The following SGMS1 variants were observed in gnomAD, a reference collection of about 807,000 sequenced individuals.
SGMS1 encodes the protein phosphatidylcholine:ceramide cholinephosphotransferase 1.
In SGMS1, 13 loss-of-function variants were observed where a neutral mutation model predicts 46.2. The ratio of observed to expected loss-of-function variants is 0.28; its 90% CI spans 0.18 to 0.45. The LOEUF (loss-of-function observed/expected upper bound fraction) is 0.45, where lower values mean the gene tolerates loss of function less well. Ranked by LOEUF, SGMS1 falls within the 20% of genes least tolerant of loss-of-function variation. The probability of loss-of-function intolerance (pLI) is 1.00; values close to 1 mark genes in which losing one functional copy is unlikely to be tolerated. For missense variants in SGMS1, 324 were observed against 519.9 expected, an observed-to-expected ratio of 0.62 and a Z score of 3.66; for synonymous variants, 203 against 187.8, an observed-to-expected ratio of 1.08 and a Z score of -0.66.
At chr10:50,440,841 C>A (rs962140614) in intron 5 of SGMS1, among the ~76,000 whole-genome samples, 1 of 152,162 alleles carries the variant, frequency 6.6e-6, no homozygotes, top group Non-Finnish European at 1.5e-5. Flanking sequence ...AAACTCCTGG[C>A]TTCAAGCAAT....
chr10:50,338,080 A>G (rs1254919163), intron 7 of SGMS1, among the ~76,000 whole-genome samples: 1 of 152,136 alleles, frequency 6.6e-6, no homozygotes, highest in Non-Finnish European at 1.5e-5. Context: ...CCCAAGCAGG[A>G]TCTGTGGTCA....
intron 2 of SGMS1, among the ~76,000 whole-genome samples, chr10:50,569,844 T>C (rs1262466354): frequency 6.6e-6 from 1 of 152,150 alleles, no homozygotes; most frequent in African/African-American, 2.4e-5. Context: ...AAAGTCTTCA[T>C]GTCCCCTCCA....
At chr10:50,483,082 G>C (rs758336572) in intron 3 of SGMS1, among the ~76,000 whole-genome samples, 5 of 152,232 alleles carry the variant, frequency 3.3e-5, no homozygotes, top group South Asian at 2.1e-4. Context: ...GGGGTTTTTT[G>C]TTTTTTGTGT....
At chr10:50,507,680 C>T (rs140589745) in intron 3 of SGMS1, among the ~76,000 whole-genome samples, 1 of 152,066 alleles carries the variant, frequency 6.6e-6, no homozygotes, top group East Asian at 1.9e-4. Context: ...TCTTTTTTTC[C>T]TCAAATTAGC....
chr10:50,345,264 T>C (rs1490825036), intron 6 of SGMS1, among the ~76,000 whole-genome samples: 1 of 152,088 alleles, frequency 6.6e-6, no homozygotes, highest in Non-Finnish European at 1.5e-5. Context: ...TCTTTCTTAA[T>C]CTCAGCCCCT....
At chr10:50,481,121 G>A (rs909785003) in intron 3 of SGMS1, among the ~76,000 whole-genome samples, 1 of 152,236 alleles carries the variant, frequency 6.6e-6, no homozygotes, top group Non-Finnish European at 1.5e-5. Context: ...TCTGGATGGA[G>A]TCCGAGCAGT....
chr10:50,415,665 T>G (rs1377094508), intron 6 of SGMS1, among the ~76,000 whole-genome samples: 1 of 152,168 alleles, frequency 6.6e-6, no homozygotes, highest in Non-Finnish European at 1.5e-5. Flanking sequence ...TTCTCTTGTA[T>G]GATGATATGC....
intron 3 of SGMS1, among the ~76,000 whole-genome samples, chr10:50,510,895 A>G (rs1837747950): frequency 1.3e-5 from 2 of 152,140 alleles, no homozygotes; most frequent in Non-Finnish European, 1.5e-5. Flanking sequence ...TTATATAACA[A>G]TTTCCACAAT....
intron 6 of SGMS1, among the ~76,000 whole-genome samples, chr10:50,363,024 A>G (rs921726995): frequency 6.6e-6 from 1 of 152,180 alleles, no homozygotes; most frequent in Non-Finnish European, 1.5e-5. Flanking sequence ...TCTAGCACCC[A>G]CATCTTTTTT....
chr10:50,583,441 T>G (rs1233281186), intron 2 of SGMS1, among the ~76,000 whole-genome samples: 2 of 152,216 alleles, frequency 1.3e-5, no homozygotes, highest in Non-Finnish European at 2.9e-5. Flanking sequence ...GAAGATGTGC[T>G]GACCTCAGGC....
chr10:50,611,179 T>C (rs549654222), intron 1 of SGMS1, among the ~76,000 whole-genome samples: 6 of 152,248 alleles, frequency 3.9e-5, no homozygotes, highest in South Asian at 2.1e-4. Flanking sequence ...GTCAAATGAA[T>C]GGTCAACACG....
At chr10:50,593,571 C>G (rs974972596) in intron 1 of SGMS1, among the ~76,000 whole-genome samples, 1 of 151,790 alleles carries the variant, frequency 6.6e-6, no homozygotes, top group African/African-American at 2.4e-5. Context: ...CCTTCACCAC[C>G]ACTTCCACCA....
chr10:50,553,361 G>A (rs1187657648), intron 2 of SGMS1, among the ~76,000 whole-genome samples: 1 of 152,106 alleles, frequency 6.6e-6, no homozygotes, highest in East Asian at 1.9e-4. Flanking sequence ...TCTGTAAGAT[G>A]GGATGATATT....
At chr10:50,452,230 C>T (rs1383614105) in intron 5 of SGMS1, among the ~76,000 whole-genome samples, 3 of 151,970 alleles carry the variant, frequency 2.0e-5, no homozygotes, top group Non-Finnish European at 4.4e-5. Context: ...ATAATATCTC[C>T]AAGACATCAA....
intron 5 of SGMS1, among the ~76,000 whole-genome samples, chr10:50,442,103 T>C (rs1564914792): frequency 6.6e-6 from 1 of 152,060 alleles, no homozygotes; most frequent in Non-Finnish European, 1.5e-5. Flanking sequence ...GCAGAACGCA[T>C]GGGTTTGGTT....
intron 1 of SGMS1, among the ~76,000 whole-genome samples, chr10:50,609,699 CTA>C (rs976032161): frequency 1.3e-5 from 2 of 152,036 alleles, no homozygotes; most frequent in Non-Finnish European, 2.9e-5. Context: ...CAACTTTTCA[CTA>C]TGATAAAGAG....
intron 6 of SGMS1, among the ~76,000 whole-genome samples, chr10:50,404,385 C>A (rs529629361): frequency 1.3e-5 from 2 of 151,426 alleles, no homozygotes; most frequent in Non-Finnish European, 1.5e-5. Context: ...TGTGGGAGAA[C>A]TGCCTGAGGC....
At chr10:50,554,630 T>C (rs1248775170) in intron 2 of SGMS1, among the ~76,000 whole-genome samples, 3 of 149,954 alleles carry the variant, frequency 2.0e-5, no homozygotes, top group Admixed American at 2.0e-4. Flanking sequence ...ACCGAGAAGG[T>C]TCAGGGGCTG....
chr10:50,426,071 A>C (rs1849322549), intron 6 of SGMS1, among the ~76,000 whole-genome samples: 1 of 152,252 alleles, frequency 6.6e-6, no homozygotes, highest in Non-Finnish European at 1.5e-5. Context: ...GGTATGTATT[A>C]AAAATTACAA....
Sources: allele counts gnomAD v4.1 joint callset (sites outside exome capture counted in the v4.1 genomes callset), GRCh38; gene constraint gnomAD v4.1.1; transcripts MANE v1.5; gene names NCBI Gene and HGNC (gene_info 2026-07-23, HGNC 2026-07-21).